The following PRKCH variants were observed in gnomAD, a reference collection of about 807,000 sequenced individuals.
The protein encoded by PRKCH is protein kinase C eta type.
A neutral mutation model predicts 82.5 loss-of-function variants in PRKCH; 28 were observed. That is an observed-to-expected ratio of 0.34 (90% CI 0.25 to 0.47). The LOEUF is 0.47. Ranked by LOEUF, PRKCH falls within the 20% of genes least tolerant of loss-of-function variation. The pLI, the probability that PRKCH is intolerant of heterozygous loss-of-function variation, is 1.00. For synonymous variants in PRKCH, 322 were observed against 327.4 expected (o/e 0.98, Z 0.18); for missense variants, 705 against 881.8 (o/e 0.80, Z 2.54).
rs143329858 is a variant in PRKCH at position 61,284,890 on chromosome 14, A to ACACACAATT, written c.-19+97223_-19+97231dup. Reference sequence around the variant, plus strand: ...TTTTAATAGATTGTAATTAAGATATACACACAATTATTCTAGTTGTCAAAT... The same window carrying ACACACAATT: ...TTTTAATAGATTGTAATTAAGATATACACACAATTCACACAATTATTCTAGTTGTCAAAT... On this transcript the variant is annotated intron_variant, in intron 1 of 3. Transcript: ENST00000555185. 7.4e-3 allele frequency among the ~76,000 whole-genome samples: 1,122 copies of ACACACAATT among 152,312 alleles called. 37 individuals are homozygous for ACACACAATT. In the East Asian group the frequency reaches 0.11, roughly 14 times the overall value.
At chr14:61,350,257 A>G (rs1201187641) in intron 1 of PRKCH, among the ~76,000 whole-genome samples, 1 of 152,130 alleles carries the variant, frequency 6.6e-6, no homozygotes, top group Non-Finnish European at 1.5e-5. Flanking sequence ...TTTGTTCTAA[A>G]TACTTGAAAG....
rs569279329 is a variant in PRKCH at position 61,508,203 on chromosome 14, T to TA, written c.1434-20865dup. On this transcript the variant is annotated intron_variant, in intron 10 of 13. Coordinates refer to ENST00000332981, the MANE Select transcript of PRKCH (RefSeq NM_006255.5). ...TAAAAGCTACTGTATTTCCTTGATT[T>TA]AAAAAAACCACAGCTCACAAAATGC... Among the ~76,000 whole-genome samples, 306 of 152,268 alleles carry TA rather than the reference T, an allele frequency of 2.0e-3. 1 individual carries two copies. Among genetic ancestry groups the TA allele is most frequent in the African/African-American group, 7.0e-3 (290 of 41,516 alleles).
intron 5 of PRKCH, 88 bp from the exon 6 acceptor site, chr14:61,450,754 T>G: frequency 1.3e-6 from 2 of 1,492,106 alleles, no homozygotes; most frequent in Admixed American, 2.0e-5. Context: ...ATAGTGACAC[T>G]TTGCATTTGA....
At chr14:61,295,810 C>G (rs191891711) in intron 1 of PRKCH, among the ~76,000 whole-genome samples, 14 of 151,898 alleles carry the variant, frequency 9.2e-5, no homozygotes, top group African/African-American at 2.9e-4. Context: ...ATCATTGTTT[C>G]GAATGCTCTC....
At chr14:61,233,390 C>CA (rs57677064) in intron 1 of PRKCH, among the ~76,000 whole-genome samples, 106,034 of 147,374 alleles carry the variant, frequency 0.72, 41,416 homozygotes, top group Non-Finnish European at 0.89. Context: ...GACCTTGTCT[C>CA]AAAAAAAAAG....
chr14:61,296,780 G>A (rs2045409879), intron 1 of PRKCH, among the ~76,000 whole-genome samples: 2 of 152,190 alleles, frequency 1.3e-5, no homozygotes, highest in Non-Finnish European at 2.9e-5. Context: ...TGTGGGAATA[G>A]TGTATACGCA....
chr14:61,297,725 G>T (rs2045416588), intron 1 of PRKCH, among the ~76,000 whole-genome samples: 1 of 152,134 alleles, frequency 6.6e-6, no homozygotes, highest in African/African-American at 2.4e-5. Context: ...GAGTTCAGGG[G>T]GTAATGCTGG....
At chr14:61,337,140 ATTTTTT>A (rs56865144) in intron 1 of PRKCH, among the ~76,000 whole-genome samples, 1 of 100,338 alleles carries the variant, frequency 1.0e-5, no homozygotes, top group Non-Finnish European at 1.9e-5. Flanking sequence ...GACACCAACA[ATTTTTT>A]TTTTTTTTTT....
chr14:61,201,615 C>G (rs532674620), intron 1 of PRKCH, among the ~76,000 whole-genome samples: 126 of 152,188 alleles, frequency 8.3e-4, no homozygotes, highest in African/African-American at 2.9e-3. Flanking sequence ...AGGAAAAGAA[C>G]ACTGACTTCC....
chr14:61,547,017 C>G (rs193126055), intron 12 of PRKCH, among the ~76,000 whole-genome samples: 2 of 152,310 alleles, frequency 1.3e-5, no homozygotes, highest in Admixed American at 1.3e-4. Context: ...CAGAGAATCT[C>G]TATGCACACA....
rs139559413 is a variant in PRKCH at position 61,391,233 on chromosome 14, C to T, written c.372C>T (p.Leu124=). 6.5e-5 allele frequency: 105 copies of T among 1,609,648 alleles called. No individual in the cohort carries two copies. In the African/African-American group the frequency reaches 1.3e-3, roughly 19 times the overall value. Residue 124 remains leucine (L), a synonymous_variant, in exon 2 of 14, where the codon CTC becomes CTT. Coordinates refer to ENST00000332981, the MANE Select transcript of PRKCH (RefSeq NM_006255.5). ...ASDTFEGWVD[L]EPEGKVFVVI... ...TTTTTTTCTCTTTGTAGGTGGATCT[C>T]GAGCCAGAGGGGAAAGTATTTGTGG...
At chr14:61,252,505 C>A (rs2044955461) in intron 1 of PRKCH, among the ~76,000 whole-genome samples, 1 of 152,138 alleles carries the variant, frequency 6.6e-6, no homozygotes, top group Admixed American at 6.5e-5. Context: ...CCTTGCTCTG[C>A]CAAGGTCAGA....
At chr14:61,500,059 A>T (rs1886836487) in intron 10 of PRKCH, among the ~76,000 whole-genome samples, 1 of 150,012 alleles carries the variant, frequency 6.7e-6, no homozygotes, top group South Asian at 2.1e-4. Flanking sequence ...TAAACCATCC[A>T]TGTTATTAGG....
intron 1 of PRKCH, among the ~76,000 whole-genome samples, chr14:61,311,325 TC>T (rs1488014163): frequency 3.3e-5 from 5 of 152,206 alleles, no homozygotes; most frequent in African/African-American, 1.2e-4. Flanking sequence ...CAATTTCAGA[TC>T]GTCTCTCTCA....
At chr14:61,422,826 G>C (rs1882917090) in intron 2 of PRKCH, among the ~76,000 whole-genome samples, 1 of 152,104 alleles carries the variant, frequency 6.6e-6, no homozygotes, top group African/African-American at 2.4e-5. Flanking sequence ...CATTGCAGTA[G>C]GCTAATCTTA....
chr14:61,473,777 G>A (rs1957897), intron 9 of PRKCH, among the ~76,000 whole-genome samples: 101,716 of 151,882 alleles, frequency 0.67, 34,620 homozygotes, highest in Middle Eastern at 0.75. Flanking sequence ...TGGATCACCT[G>A]AGGTCAGGAG....
intron 1 of PRKCH, chr14:61,347,911 T>C (rs1372358594): frequency 6.5e-6 from 1 of 152,774 alleles, no homozygotes; most frequent in Non-Finnish European, 1.5e-5. Flanking sequence ...TTAACAAGCT[T>C]GGCGGAGGCA....
chr14:61,328,580 T>TAAGAATGGTGA (rs1248385913), intron 1 of PRKCH, among the ~76,000 whole-genome samples: 2 of 152,136 alleles, frequency 1.3e-5, no homozygotes, highest in Non-Finnish European at 2.9e-5. Flanking sequence ...TAGTAAGTGT[T>TAAGAATGGTGA]AAGAATGGTG....
rs745564429 is a variant in PRKCH at position 61,547,875 on chromosome 14, A to C, written c.1894A>C (p.Arg632=). 6.2e-7 allele frequency: 1 copy of C among 1,613,888 alleles called. No homozygotes were observed. Among genetic ancestry groups the C allele is most frequent in the African/African-American group, 1.3e-5 (1 of 75,032 alleles). ...LNHRQIEPPF[R]PRIKSREDVS... is the part of the protein sequence containing the mutation. ...CCATCGCCAAATAGAACCGCCTTTC[A>C]GACCCAGAATCGTAAGTGTCCCAGG... is the stretch of plus-strand genomic sequence containing the variant. Residue 632 remains arginine (R), a synonymous_variant, in exon 13 of 14, where the codon AGA becomes CGA. Coordinates refer to ENST00000332981, the MANE Select transcript of PRKCH (RefSeq NM_006255.5).
Sources: gnomAD v4.1 joint callset for allele counts (sites outside exome capture counted in the v4.1 genomes callset) on GRCh38, gnomAD v4.1.1 for gene constraint, MANE v1.5 for transcripts, NCBI Gene and HGNC (gene_info 2026-07-23, HGNC 2026-07-21) for gene names.